The following LINGO2 variants were observed in gnomAD, a reference collection of about 807,000 sequenced individuals.
LINGO2 encodes the protein leucine rich repeat and Ig domain containing 2.
Under a neutral mutation model 30.6 loss-of-function variants are expected in LINGO2, and 14 were observed. The observed-to-expected ratio is 0.46, with a 90% CI of 0.30 to 0.72. The LOEUF (loss-of-function observed/expected upper bound fraction) is 0.72. LINGO2 is among the 30% of genes least tolerant of loss of function. The pLI, the probability that LINGO2 is intolerant of heterozygous loss-of-function variation, is 0.07. For missense variants in LINGO2, 729 were observed against 751.7 expected (o/e 0.97, Z 0.35); for synonymous variants, 317 against 288.5 (o/e 1.10, Z -1.00).
At chr9:28,880,907 C>T in the LINGO2 span, among the ~76,000 whole-genome samples, 65 of 152,232 alleles carry the variant, frequency 4.3e-4, no homozygotes, top group South Asian at 5.4e-3. Flanking sequence ...GCACATCCAG[C>T]CATAGTACCT....
chr9:28,002,040 G>A (rs1821983707), intron 5 of LINGO2, among the ~76,000 whole-genome samples: 6 of 152,154 alleles, frequency 3.9e-5, no homozygotes, highest in Non-Finnish European at 8.8e-5. Context: ...ATTTTGGGAA[G>A]GAGCACTTAC....
chr9:28,107,315 T>C (rs1826625288), intron 4 of LINGO2, among the ~76,000 whole-genome samples: 1 of 152,216 alleles, frequency 6.6e-6, no homozygotes, highest in Admixed American at 6.5e-5. Context: ...GTGTAAAATG[T>C]ACAAAAATAT....
intron 4 of LINGO2, among the ~76,000 whole-genome samples, chr9:28,189,653 A>AAGGAAGGAAGGGAGGG: frequency 3.6e-5 from 1 of 28,042 alleles, no homozygotes; most frequent in Admixed American, 4.6e-4. Context: ...GGGAGGGAGG[A>AAGGAAGGAAGGGAGGG]AGGAAGGAAG....
chr9:29,131,009 T>C, the LINGO2 span, among the ~76,000 whole-genome samples: 1 of 152,130 alleles, frequency 6.6e-6, no homozygotes, highest in Non-Finnish European at 1.5e-5. Context: ...CAAAGATAAG[T>C]TAATGCCTAC....
chr9:28,726,871 G>GTATA, the LINGO2 span, among the ~76,000 whole-genome samples: 1 of 152,122 alleles, frequency 6.6e-6, no homozygotes, highest in Non-Finnish European at 1.5e-5. Flanking sequence ...CCACGCTGAT[G>GTATA]TATACCCTTT....
chr9:28,948,356 T>A, the LINGO2 span, among the ~76,000 whole-genome samples: 1 of 152,144 alleles, frequency 6.6e-6, no homozygotes, highest in Non-Finnish European at 1.5e-5. Flanking sequence ...TCTGTTTCCA[T>A]TCATCACATT....
chr9:27,968,081 T>C (rs1384722536), intron 5 of LINGO2, among the ~76,000 whole-genome samples: 4 of 152,108 alleles, frequency 2.6e-5, no homozygotes, highest in Admixed American at 6.6e-5. Context: ...GTATATTTAA[T>C]TGAACTCAAT....
intron 1 of LINGO2, among the ~76,000 whole-genome samples, chr9:28,628,965 G>T (rs1272926077): frequency 1.3e-5 from 2 of 152,018 alleles, no homozygotes; most frequent in Non-Finnish European, 2.9e-5. Flanking sequence ...ATTCGTAAAA[G>T]CATAGGTCCA....
At chr9:29,032,684 A>G in the LINGO2 span, among the ~76,000 whole-genome samples, 2 of 152,164 alleles carry the variant, frequency 1.3e-5, no homozygotes, top group African/African-American at 4.8e-5. Context: ...CAGATGCCAA[A>G]GCCTGTAGAC....
intron 5 of LINGO2, among the ~76,000 whole-genome samples, chr9:27,971,671 G>A (rs988977486): frequency 2.0e-5 from 3 of 152,178 alleles, no homozygotes; most frequent in Non-Finnish European, 2.9e-5. Flanking sequence ...TTACAGACAT[G>A]AGCCACGGCG....
intron 1 of LINGO2, among the ~76,000 whole-genome samples, chr9:28,573,932 A>G (rs1356723811): frequency 6.6e-6 from 1 of 152,210 alleles, no homozygotes; most frequent in Non-Finnish European, 1.5e-5. Context: ...AAGAAAAAAG[A>G]TTAAATTTAG....
At chr9:29,011,064 C>T in the LINGO2 span, among the ~76,000 whole-genome samples, 3 of 152,166 alleles carry the variant, frequency 2.0e-5, no homozygotes, top group Non-Finnish European at 2.9e-5. Context: ...ATAGTGCTCA[C>T]ACTGGTTTCA....
the LINGO2 span, among the ~76,000 whole-genome samples, chr9:29,179,086 A>C: frequency 3.3e-5 from 5 of 150,118 alleles, no homozygotes; most frequent in African/African-American, 1.2e-4. Context: ...CTTAGGGCCA[A>C]GAGACCTTGT....
chr9:28,779,213 C>G, the LINGO2 span, among the ~76,000 whole-genome samples: 1 of 152,124 alleles, frequency 6.6e-6, no homozygotes, highest in East Asian at 1.9e-4. Context: ...TATGTAGTCA[C>G]CACATGACAA....
intron 2 of LINGO2, among the ~76,000 whole-genome samples, chr9:28,382,643 C>A (rs1821399937): frequency 6.6e-6 from 1 of 152,070 alleles, no homozygotes; most frequent in Non-Finnish European, 1.5e-5. Flanking sequence ...TATTATCATT[C>A]AGTTCTATGG....
chr9:28,354,033 G>A (rs912668550), intron 3 of LINGO2, among the ~76,000 whole-genome samples: 23 of 152,144 alleles, frequency 1.5e-4, no homozygotes, highest in Admixed American at 1.2e-3. Context: ...GGATAGCATC[G>A]GGAGATATAC....
the LINGO2 span, among the ~76,000 whole-genome samples, chr9:28,898,569 T>C: frequency 6.6e-6 from 1 of 152,192 alleles, no homozygotes; most frequent in Non-Finnish European, 1.5e-5. Flanking sequence ...TCTGGCTAAA[T>C]CATAGTAATC....
chr9:28,329,433 C>T lies in LINGO2; in HGVS notation c.-245-34067G>A, dbSNP rs544529373. 3.3e-5 allele frequency among the ~76,000 whole-genome samples: 5 copies of T among 152,130 alleles called. No individual in the cohort carries two copies. The South Asian group carries it at 1.0e-3, about 32-fold the overall frequency. ...GCTAATAAGGTAGGGGCACACACCA[C>T]GCTGTCTCTTCGGCCAAGTCATTAT... On this transcript the variant is annotated intron_variant, in intron 3 of 5. Transcript: ENST00000379992. The surrounding 1 kb of genome is among the most constrained non-coding windows in gnomAD (Gnocchi z 4.5).
chr9:28,491,045 T>TA (rs1223612729), intron 1 of LINGO2, among the ~76,000 whole-genome samples: 2 of 152,244 alleles, frequency 1.3e-5, no homozygotes, highest in African/African-American at 4.8e-5. Context: ...TAACAGTGGT[T>TA]AACTTTGGAA....
Sources: allele counts gnomAD v4.1 joint callset (sites outside exome capture counted in the v4.1 genomes callset), GRCh38; gene constraint gnomAD v4.1.1; non-coding constraint Gnocchi (gnomAD v3.1); transcripts MANE v1.5; gene names NCBI Gene and HGNC (gene_info 2026-07-23, HGNC 2026-07-21).